HS1BP3: variants seen among roughly 807,000 people sequenced by gnomAD.
HS1BP3 encodes HCLS1-binding protein 3.
Under a neutral mutation model 33.5 loss-of-function variants are expected in HS1BP3, and 32 were observed. The ratio of observed to expected loss-of-function variants is 0.95; its 90% CI spans 0.72 to 1.28. The LOEUF is 1.28. Ranked by LOEUF, HS1BP3 falls within the 50% of genes most tolerant of loss-of-function variation. HS1BP3 has a pLI of 0.00. For synonymous variants in HS1BP3, 187 were observed against 209.2 expected (o/e 0.89, Z 0.92); for missense variants, 486 against 502.3 (o/e 0.97, Z 0.31).
intron 5 of HS1BP3, chr2:20,586,781 G>C (rs1205695293): frequency 2.0e-5 from 3 of 152,158 alleles, no homozygotes; most frequent in Non-Finnish European, 4.4e-5. Context: ...AGGAAAACAG[G>C]CAAAGAAAAC....
intron 3 of HS1BP3, among the ~76,000 whole-genome samples, chr2:20,595,782 G>C (rs1045476073): frequency 2.0e-5 from 3 of 152,264 alleles, no homozygotes; most frequent in African/African-American, 7.2e-5. Context: ...GGGCAGGGAA[G>C]TGGGCAGAGG....
At chr2:20,558,112 G>A (rs1380360281), downstream of HS1BP3, among the ~76,000 whole-genome samples, 1 of 152,236 alleles carries the variant, frequency 6.6e-6, no homozygotes, top group African/African-American at 2.4e-5. Context: ...ATTTAGTTGA[G>A]CGGGTTGCTT....
rs192870271 is a variant in HS1BP3 at position 20,585,805 on chromosome 2, C to T, written c.303-25290G>A. 4.5e-4 allele frequency among the ~76,000 whole-genome samples: 68 copies of T among 152,344 alleles called. 1 individual carries two copies. The highest frequency in any genetic ancestry group is 1.5e-3 in the African/African-American group (62 of 41,580). Reference sequence around the variant, plus strand: ...TACCGTTCGCTTGCAACAGCAGCCCCGTCATGGGATGAATACATACCATCA... The same window carrying T: ...TACCGTTCGCTTGCAACAGCAGCCCTGTCATGGGATGAATACATACCATCA... On this transcript the variant is annotated intron_variant, in intron 5 of 5. Transcript: ENST00000446825.
At chr2:20,598,562 T>C (rs1224818465) in intron 2 of HS1BP3, among the ~76,000 whole-genome samples, 1 of 121,672 alleles carries the variant, frequency 8.2e-6, no homozygotes, top group Non-Finnish European at 1.7e-5. Context: ...TTTTTTTTTT[T>C]TTTTTTTTTT....
chr2:20,633,151 G>A (rs1695018271), intron 4 of HS1BP3, among the ~76,000 whole-genome samples: 1 of 152,292 alleles, frequency 6.6e-6, no homozygotes, highest in East Asian at 1.9e-4. Flanking sequence ...TGGCAGAAAG[G>A]GGATTTGAAC....
downstream of HS1BP3, among the ~76,000 whole-genome samples, chr2:20,559,167 C>T (rs1412812333): frequency 6.6e-6 from 1 of 152,204 alleles, no homozygotes; most frequent in African/African-American, 2.4e-5. Flanking sequence ...TACCATCCTT[C>T]TTGCACAGCT....
downstream of HS1BP3, among the ~76,000 whole-genome samples, chr2:20,560,244 A>T (rs1483418985): frequency 6.6e-6 from 1 of 152,202 alleles, no homozygotes; most frequent in Non-Finnish European, 1.5e-5. Context: ...CCCAGGGCTG[A>T]GGACCAGGAC....
At chr2:20,589,615 G>GT (rs1271936229), downstream of HS1BP3, among the ~76,000 whole-genome samples, 6 of 152,182 alleles carry the variant, frequency 3.9e-5, no homozygotes, top group Non-Finnish European at 8.8e-5. Context: ...TAGCTCTAAG[G>GT]TGTTTTGCAG....
chr2:20,558,553 C>T (rs112476764), downstream of HS1BP3, among the ~76,000 whole-genome samples: 4,462 of 152,210 alleles, frequency 0.029, 231 homozygotes, highest in African/African-American at 0.1. Context: ...TCTTCAGAAA[C>T]GGACGGAGGG....
chr2:20,640,972 C>T lies in HS1BP3; in HGVS notation c.406+1G>A. On this transcript the variant is annotated splice_donor_variant, in intron 3 of 6. Coordinates refer to ENST00000304031, the MANE Select transcript of HS1BP3 (RefSeq NM_022460.4). LOFTEE classifies it high-confidence loss of function. ...GGGACATGGGGCAGAGCCTTGGGTA[C>T]CTAAGAACTCTAGCAGCTCTGGGCT... The T allele has an allele frequency of 6.2e-7, 1 of 1,614,094 alleles. No homozygotes were observed. Among genetic ancestry groups the T allele is most frequent in the Non-Finnish European group, 8.5e-7 (1 of 1,179,962 alleles).
intron 4 of HS1BP3, among the ~76,000 whole-genome samples, chr2:20,629,957 C>T (rs940657317): frequency 1.3e-5 from 2 of 152,240 alleles, no homozygotes; most frequent in Non-Finnish European, 1.5e-5. Context: ...CCCAGGGGGC[C>T]TGTGGCACCA....
chr2:20,624,817 C>G lies in HS1BP3; in HGVS notation c.699G>C (p.Glu233Asp). 1 of 1,613,866 alleles carries G rather than the reference C, an allele frequency of 6.2e-7. No homozygotes were observed. The highest frequency in any genetic ancestry group is 8.5e-7 in the Non-Finnish European group (1 of 1,179,924). The change falls in exon 5 of 7, where the codon GAG (glutamate) becomes GAC (aspartate). Residue 233 changes from glutamate to aspartate, a missense_variant. Glu to Asp is a conservative substitution (Grantham distance 45). Coordinates refer to ENST00000304031, the MANE Select transcript of HS1BP3 (RefSeq NM_022460.4). The stretch of plus-strand genomic sequence containing the variant: ...AGAGCCCCTCATCAGGGTCCACCTC[C>G]TCGTCAAAGATGGTGAGCCGGGGCG... The part of the protein sequence containing the change: ...KPSPRLTIFD[E>D]EVDPDEGLFG...
At chr2:20,579,388 A>G (rs374745393) in intron 5 of HS1BP3, among the ~76,000 whole-genome samples, 4 of 152,348 alleles carry the variant, frequency 2.6e-5, no homozygotes, top group African/African-American at 9.6e-5. Flanking sequence ...GCTTCCCCAG[A>G]TCCAGCCTGA....
chr2:20,597,640 T>C (rs1411515388), intron 3 of HS1BP3, among the ~76,000 whole-genome samples: 2 of 151,844 alleles, frequency 1.3e-5, no homozygotes. Flanking sequence ...GTCAACGCTC[T>C]GGGGAAGATT....
intron 2 of HS1BP3, among the ~76,000 whole-genome samples, chr2:20,644,590 T>C (rs144704517): frequency 8.1e-4 from 123 of 152,338 alleles, no homozygotes; most frequent in African/African-American, 2.9e-3. Context: ...GTGGTGCATG[T>C]TACCCAGTAA....
At chr2:20,591,237 C>T (rs1693806074), downstream of HS1BP3, 1 of 167,214 alleles carries the variant, frequency 6.0e-6, no homozygotes, top group African/African-American at 2.4e-5. Context: ...CAGCCCCTTC[C>T]TCCACGGGAG....
chr2:20,630,048 C>T (rs1694923777), intron 4 of HS1BP3, among the ~76,000 whole-genome samples: 1 of 152,254 alleles, frequency 6.6e-6, no homozygotes, highest in Non-Finnish European at 1.5e-5. Flanking sequence ...ATGGCAGAGG[C>T]ATCTCCTAGA....
At chr2:20,595,511 G>C (rs928629532) in intron 3 of HS1BP3, among the ~76,000 whole-genome samples, 1 of 152,222 alleles carries the variant, frequency 6.6e-6, no homozygotes, top group Non-Finnish European at 1.5e-5. Flanking sequence ...TCCTGGAGGA[G>C]GGAGGGTTTC....
downstream of HS1BP3, among the ~76,000 whole-genome samples, chr2:20,591,738 A>G (rs1468180128): frequency 2.0e-5 from 3 of 152,026 alleles, no homozygotes; most frequent in Non-Finnish European, 4.4e-5. Flanking sequence ...TAATTTTTGT[A>G]TTTTTAGTAG....
Sources: gnomAD v4.1 joint callset for allele counts (sites outside exome capture counted in the v4.1 genomes callset) on GRCh38, gnomAD v4.1.1 for gene constraint, MANE v1.5 for transcripts, NCBI Gene and HGNC (gene_info 2026-07-23, HGNC 2026-07-21) for gene names.